PIK3C2G: variants seen among roughly 807,000 people sequenced by gnomAD.
The protein encoded by PIK3C2G is phosphatidylinositol-4-phosphate 3-kinase catalytic subunit type 2 gamma.
PIK3C2G carries 168 observed loss-of-function variants against 181.1 expected under a neutral mutation model. The observed-to-expected ratio is 0.93, with a 90% CI of 0.82 to 1.05. The LOEUF (loss-of-function observed/expected upper bound fraction) is 1.05. Among genes scored for constraint, PIK3C2G ranks in the 50% least tolerant of loss-of-function variants. The probability of loss-of-function intolerance (pLI) is 0.00; values close to 1 mark genes in which losing one functional copy is unlikely to be tolerated. For synonymous variants in PIK3C2G, 573 were observed against 592.2 expected (o/e 0.97, Z 0.47); for missense variants, 1,869 against 1,732.8 (o/e 1.08, Z -1.40).
intron 1 of PIK3C2G, among the ~76,000 whole-genome samples, chr12:18,275,001 A>G (rs1163280741): frequency 2.6e-5 from 4 of 152,058 alleles, no homozygotes; most frequent in Non-Finnish European, 5.9e-5. Flanking sequence ...TGTCATTTTG[A>G]TTGTCTGAAG....
At chr12:18,361,151 C>T (rs1442645566) in intron 11 of PIK3C2G, among the ~76,000 whole-genome samples, 1 of 152,064 alleles carries the variant, frequency 6.6e-6, no homozygotes, top group Non-Finnish European at 1.5e-5. Context: ...AACCTGTCTT[C>T]AAGTTCACTG....
chr12:18,263,406 T>C (rs534820527), intron 1 of PIK3C2G, among the ~76,000 whole-genome samples: 1 of 152,260 alleles, frequency 6.6e-6, no homozygotes, highest in South Asian at 2.1e-4. Flanking sequence ...ATTCCAATAC[T>C]GGATACAGTA....
At chr12:18,407,064 T>A (rs2135597174) in intron 16 of PIK3C2G, among the ~76,000 whole-genome samples, 1 of 152,158 alleles carries the variant, frequency 6.6e-6, no homozygotes, top group East Asian at 1.9e-4. Flanking sequence ...ATTATATACC[T>A]CCTAGGGTTC....
At chr12:18,262,766 T>C (rs1948303825) in intron 1 of PIK3C2G, among the ~76,000 whole-genome samples, 1 of 152,104 alleles carries the variant, frequency 6.6e-6, no homozygotes, top group African/African-American at 2.4e-5. Flanking sequence ...GCTGGAATCA[T>C]TTTGGTCGTG....
At position 18,286,938 on chromosome 12, in the gene PIK3C2G, TG is replaced by T; in HGVS notation, c.761+11del. 1.4e-6 allele frequency: 2 copies of T among 1,460,436 alleles called. No individual in the cohort carries two copies. Among genetic ancestry groups the T allele is most frequent in the Non-Finnish European group, 1.9e-6 (2 of 1,076,506 alleles). 90.5% of individuals were successfully genotyped at this position (1,460,436 alleles called of 1,614,324 possible). A position where few individuals can be genotyped will look rare whatever the true frequency, so the allele number is the denominator to read the frequency against. On this transcript the variant is annotated intron_variant, in intron 3 of 32. Transcript: ENST00000538779. ...TGCAACAAAGTAAAAAAGTGAGTAC[TG>T]GTATTTCATTAAACTTTGAAATTTT...
chr12:18,524,490 G>A (rs1943108571), intron 24 of PIK3C2G, among the ~76,000 whole-genome samples: 1 of 151,648 alleles, frequency 6.6e-6, no homozygotes, highest in Non-Finnish European at 1.5e-5. Context: ...CTTCCAATGT[G>A]TTATTTTAAT....
At chr12:18,312,552 C>A (rs1950684779) in intron 5 of PIK3C2G, among the ~76,000 whole-genome samples, 1 of 152,046 alleles carries the variant, frequency 6.6e-6, no homozygotes, top group South Asian at 2.1e-4. Flanking sequence ...GAGGCTGGCC[C>A]TTGAAGCAAA....
chr12:18,394,078 A>G (rs533321617), intron 15 of PIK3C2G, among the ~76,000 whole-genome samples: 1 of 152,230 alleles, frequency 6.6e-6, no homozygotes, highest in African/African-American at 2.4e-5. Context: ...ATGTGATTTG[A>G]GAAGCCACAC....
chr12:18,449,660 A>G (rs1592286494), intron 18 of PIK3C2G, among the ~76,000 whole-genome samples: 1 of 152,150 alleles, frequency 6.6e-6, no homozygotes, highest in Admixed American at 6.5e-5. Context: ...ATAGTATTCT[A>G]TGGTGTGTAT....
intron 29 of PIK3C2G, among the ~76,000 whole-genome samples, chr12:18,588,160 C>T (rs942214448): frequency 2.0e-5 from 3 of 151,900 alleles, no homozygotes; most frequent in African/African-American, 7.3e-5. Flanking sequence ...AGAAGACAAC[C>T]TAAACAATAC....
In PIK3C2G at chr12:18,497,659, T is replaced by C. The variant is rs757819469; in HGVS notation, c.2927T>C (p.Leu976Pro). ...CGTCAGGATATGCTTGTTCTGCAGCTTATTCAAGTGATGGACAATATTTGG... is the reference window on the plus strand; with the variant it reads ...CGTCAGGATATGCTTGTTCTGCAGCCTATTCAAGTGATGGACAATATTTGG... ...DLRQDMLVLQLIQVMDNIWLQ... is the reference protein window; with the variant it reads ...DLRQDMLVLQPIQVMDNIWLQ... The change falls in exon 22 of 33, where the codon CTT (leucine) becomes CCT (proline). Residue 976 changes from leucine to proline, a missense_variant. By Grantham distance (98) the Leu-to-Pro change is moderately conservative (BLOSUM62 -3). Coordinates refer to ENST00000538779, the MANE Select transcript of PIK3C2G (RefSeq NM_001288772.2). 1 of 1,612,632 alleles carries C rather than the reference T, an allele frequency of 6.2e-7. No homozygotes were observed. The highest frequency in any genetic ancestry group is 8.5e-7 in the Non-Finnish European group (1 of 1,178,806).
At chr12:18,466,405 C>T (rs758612611) in intron 18 of PIK3C2G, among the ~76,000 whole-genome samples, 26 of 148,224 alleles carry the variant, frequency 1.8e-4, no homozygotes, top group Admixed American at 3.3e-4. Context: ...TTGAAATACT[C>T]TAATTTCTGC....
chr12:18,713,129 G>T, the PIK3C2G span: 3 of 1,105,642 alleles, frequency 2.7e-6, no homozygotes, highest in Non-Finnish European at 3.9e-6. Context: ...TTGTCTTTGG[G>T]ACAAGTTTTG....
the PIK3C2G span, chr12:18,688,370 T>A: frequency 1.4e-6 from 1 of 701,136 alleles, no homozygotes; most frequent in East Asian, 2.9e-5. Context: ...AATTTTAAAA[T>A]TTAAGTCTTT....
intron 30 of PIK3C2G, among the ~76,000 whole-genome samples, 193 bp from the exon 31 acceptor site, chr12:18,609,342 T>G (rs1056331211): frequency 9.2e-4 from 140 of 152,114 alleles, no homozygotes; most frequent in African/African-American, 3.1e-3. Context: ...GAAGAGTTAG[T>G]TAAAGATTAG....
At chr12:18,590,435 C>G (rs1379626308) in intron 29 of PIK3C2G, among the ~76,000 whole-genome samples, 2 of 151,812 alleles carry the variant, frequency 1.3e-5, no homozygotes, top group Non-Finnish European at 2.9e-5. Context: ...TTTTATTACT[C>G]TAGCTGGTAA....
intron 18 of PIK3C2G, among the ~76,000 whole-genome samples, chr12:18,485,949 A>G (rs1027341746): frequency 2.0e-5 from 3 of 152,188 alleles, no homozygotes; most frequent in Non-Finnish European, 4.4e-5. Flanking sequence ...GCTTCCTTAT[A>G]GAGAAGGTCA....
chr12:18,667,045 G>T, the PIK3C2G span, among the ~76,000 whole-genome samples: 1 of 152,094 alleles, frequency 6.6e-6, no homozygotes, highest in Non-Finnish European at 1.5e-5. Flanking sequence ...TCACCAGACA[G>T]AGTGCATCCT....
At chr12:18,705,066 AT>A in the PIK3C2G span, 13 of 1,444,050 alleles carry the variant, frequency 9.0e-6, no homozygotes, top group Non-Finnish European at 1.2e-5. Context: ...AAAACTAAGC[AT>A]TTTCATTGGT....
Sources: allele counts gnomAD v4.1 joint callset (sites outside exome capture counted in the v4.1 genomes callset), GRCh38; gene constraint gnomAD v4.1.1; transcripts MANE v1.5; gene names NCBI Gene and HGNC (gene_info 2026-07-23, HGNC 2026-07-21).